PRSS27: variants seen among roughly 807,000 people sequenced by gnomAD.
The protein encoded by PRSS27 is channel-activating protease 2.
In PRSS27, 25 loss-of-function variants were observed where a neutral mutation model predicts 32.0. The observed-to-expected ratio is 0.78, with a 90% CI of 0.57 to 1.09. PRSS27 has a LOEUF of 1.09. PRSS27 is among the 50% of genes least tolerant of loss of function. The pLI is 0.00. For missense variants in PRSS27, 401 were observed against 394.9 expected, an observed-to-expected ratio of 1.02 and a Z score of -0.13; for synonymous variants, 178 against 172.2, an observed-to-expected ratio of 1.03 and a Z score of -0.26.
intron 1 of PRSS27, among the ~76,000 whole-genome samples, chr16:2,719,274 G>A (rs912149393): frequency 6.6e-5 from 10 of 152,176 alleles, no homozygotes; most frequent in Non-Finnish European, 1.2e-4. Context: ...TGGGGGCATG[G>A]GGTGGGGGAG....
At chr16:2,716,873 T>C in intron 1 of PRSS27, 1 of 336,674 alleles carries the variant, frequency 3.0e-6, no homozygotes, top group South Asian at 5.2e-5. Context: ...CCCATCCTTG[T>C]CTGGAAGTTT....
In PRSS27 at chr16:2,715,795, C is replaced by A; in HGVS notation, c.159G>T (p.Gln53His). 1.2e-6 allele frequency: 2 copies of A among 1,603,490 alleles called. No homozygotes were observed. ...EGEWPWQVSI[Q>H]RNGSHFCGGS... ...CCCCGCAGAAGTGGCTTCCGTTGCG[C>A]TGGATGCTGACTTGCCAGGGCCACT... The change falls in exon 3 of 6, where the codon CAG becomes CAT. Residue 53 changes from glutamine (Q) to histidine (H), a missense_variant. Gln to His is a conservative substitution (Grantham distance 24). Coordinates refer to ENST00000302641, the MANE Select transcript of PRSS27 (RefSeq NM_031948.5).
At position 2,714,517 on chromosome 16, in the gene PRSS27, G is replaced by A. The variant is rs1254528960; in HGVS notation, c.237-181C>T. On this transcript the variant is annotated intron_variant, in intron 3 of 5. Transcript: ENST00000302641. This position sits in a 1 kb window ranked among gnomAD's most constrained non-coding sequence, Gnocchi z 4.7. The stretch of plus-strand genomic sequence containing the variant: ...TGCGTGTTGACATTGAAGCCAGACC[G>A]CCCGACTCAGATTTCCACCTCCACC... The A allele has an allele frequency of 1.8e-5, 12 of 678,468 alleles. No homozygotes were observed. The highest frequency in any genetic ancestry group is 2.7e-5 in the East Asian group (1 of 36,532). 42.0% of individuals were successfully genotyped at this position (678,468 alleles called of 1,614,324 possible). A position where few individuals can be genotyped will look rare whatever the true frequency, so the allele number is the denominator to read the frequency against.
rs1007730308 is a variant in PRSS27 at position 2,714,006 on chromosome 16, A to G, written c.508+59T>C. 1 of 1,528,500 alleles carries G rather than the reference A, an allele frequency of 6.5e-7. No homozygotes were observed. The highest frequency in any genetic ancestry group is 8.8e-7 in the Non-Finnish European group (1 of 1,130,622). 94.7% of individuals were successfully genotyped at this position (1,528,500 alleles called of 1,614,324 possible). On this transcript the variant is annotated intron_variant, in intron 4 of 5. Transcript: ENST00000302641. The surrounding 1 kb of genome is among the most constrained non-coding windows in gnomAD (Gnocchi z 4.7). ...GATTGTGGGTTCAGAGTGGTCCCCAAGCCGTCCTGGGCCTTCTTGAGGCAT... is the reference window on the plus strand; with the variant it reads ...GATTGTGGGTTCAGAGTGGTCCCCAGGCCGTCCTGGGCCTTCTTGAGGCAT...
intron 1 of PRSS27, among the ~76,000 whole-genome samples, chr16:2,719,074 C>T (rs575265262): frequency 2.2e-4 from 34 of 152,302 alleles, no homozygotes; most frequent in Middle Eastern, 3.4e-3. Context: ...GTGCCACCCT[C>T]GGGCTGGGAG....
intron 1 of PRSS27, among the ~76,000 whole-genome samples, chr16:2,719,041 C>T (rs73494272): frequency 0.042 from 6,337 of 152,248 alleles, 481 homozygotes; most frequent in African/African-American, 0.14. Context: ...TAGTGGGTAC[C>T]ACCAGCCAGA....
intron 2 of PRSS27, 98 bp from the exon 3 acceptor site, chr16:2,715,978 G>A: frequency 1.8e-6 from 2 of 1,091,972 alleles, no homozygotes; most frequent in Non-Finnish European, 2.6e-6. Context: ...CGGCCCTCCT[G>A]CCCCTGACCT....
rs2067709589 is a variant in PRSS27, at chr16:2,717,523, G to A, written c.47-997C>T. ...CACTCCACGCGTCTGATTCTGTGGGGGCAAGATTCGCCCGTAGCTGGGGAG... is the reference window on the plus strand; with the variant it reads ...CACTCCACGCGTCTGATTCTGTGGGAGCAAGATTCGCCCGTAGCTGGGGAG... On this transcript the variant is annotated intron_variant, in intron 1 of 5. Transcript: ENST00000302641. The surrounding 1 kb of genome is among the most constrained non-coding windows in gnomAD (Gnocchi z 4.1). The A allele has an allele frequency of 6.6e-6, 1 of 152,302 alleles. No homozygotes were observed. Among genetic ancestry groups the A allele is most frequent in the Non-Finnish European group, 1.5e-5 (1 of 68,212 alleles). 9.4% of individuals were successfully genotyped at this position (152,302 alleles called of 1,614,324 possible). A position where few individuals can be genotyped will look rare whatever the true frequency, so the allele number is the denominator to read the frequency against.
Position 2,717,206 on chromosome 16 carries a change from G to A in PRSS27, c.47-680C>T, listed in dbSNP as rs2067707501. On this transcript the variant is annotated intron_variant, in intron 1 of 5. Transcript: ENST00000302641. The surrounding 1 kb of genome is among the most constrained non-coding windows in gnomAD (Gnocchi z 4.1). The stretch of plus-strand genomic sequence containing the variant: ...GGCATGCAGCAGGCTTGGCAGACGA[G>A]GCCCAGGACCCCCTGCTGGGCTGTG... 6.6e-6 allele frequency: 1 copy of A among 152,518 alleles called. No homozygotes were observed. The highest frequency in any genetic ancestry group is 1.5e-5 in the Non-Finnish European group (1 of 68,344). The allele number at this position is 152,518 out of a possible 1,614,324, so 9.4% of individuals were successfully genotyped here.
chr16:2,713,006 G>C (rs887401363), intron 5 of PRSS27, 192 bp from the exon 6 acceptor site: 16 of 565,840 alleles, frequency 2.8e-5, no homozygotes, highest in Non-Finnish European at 4.0e-5. Flanking sequence ...GATCAACTAG[G>C]GTGTGTGTGT....
rs368059071 is a variant in PRSS27 at position 2,712,489 on chromosome 16, G to A, written c.*131C>T. 1 of 703,002 alleles carries A rather than the reference G, an allele frequency of 1.4e-6. No homozygotes were observed. The highest frequency in any genetic ancestry group is 2.3e-6 in the Non-Finnish European group (1 of 434,842). The allele number at this position is 703,002 out of a possible 1,614,324, so 43.5% of individuals were successfully genotyped here. On this transcript the variant is annotated 3_prime_UTR_variant, in exon 6 of 6. Transcript: ENST00000302641. The surrounding 1 kb of genome is among the most constrained non-coding windows in gnomAD (Gnocchi z 4.6). ...ATAAGGGTATTTGAGAGGGGAGGAA[G>A]GAGCGCTATTTACAAATGAGTCTGG... is the stretch of plus-strand genomic sequence containing the variant.
rs1386753190 is a variant in PRSS27, at chr16:2,713,593, G to C, written c.614C>G (p.Pro205Arg). 2 of 1,614,204 alleles carry C rather than the reference G, an allele frequency of 1.2e-6. No homozygotes were observed. The highest frequency in any genetic ancestry group is 1.1e-5 in the South Asian group (1 of 91,088). ...CAGCATGTCATTCTTGATGGTTTTG[G>C]GTTGGTAGCCAAACTCGGTGTCTTT... Reference protein sequence around the residue: ...YSKDTEFGYQPKTIKNDMLCA... With the variant: ...YSKDTEFGYQRKTIKNDMLCA... Residue 205 changes from proline (P) to arginine (R), a missense_variant, in exon 5 of 6, where the codon CCC (proline) becomes CGC (arginine). Physicochemically the swap from Pro to Arg is moderately radical, Grantham distance 103. Coordinates refer to ENST00000302641, the MANE Select transcript of PRSS27 (RefSeq NM_031948.5).
At position 2,714,221 on chromosome 16, in the gene PRSS27, C is replaced by T; in HGVS notation, c.352G>A (p.Gly118Ser). Reference protein sequence around the residue: ...RQVESNPLYQGTASSADVALV... With the variant: ...RQVESNPLYQSTASSADVALV... ...GCCACGTCAGCGCTGGAGGCCGTGC[C>T]CTGGTACAGGGGGTTGCTCTCCACC... The change falls in exon 4 of 6, where the codon GGC (glycine) becomes AGC (serine). Residue 118 changes from glycine to serine, a missense_variant. Transcript: ENST00000302641. This position sits in a 1 kb window ranked among gnomAD's most constrained non-coding sequence, Gnocchi z 4.7. 1 of 1,613,892 alleles carries T rather than the reference C, an allele frequency of 6.2e-7. No homozygotes were observed. The highest frequency in any genetic ancestry group is 1.7e-5 in the Admixed American group (1 of 60,022).
chr16:2,715,672 G>A (rs772427175), intron 3 of PRSS27, 46 bp downstream of exon 3: 3 of 1,498,536 alleles, frequency 2.0e-6, no homozygotes, highest in Non-Finnish European at 2.7e-6. Flanking sequence ...GTCGCGCGCG[G>A]GGCGCTGTCA....
At chr16:2,713,330 C>T (rs908919413) in intron 5 of PRSS27, 199 bp downstream of exon 5, 7 of 624,060 alleles carry the variant, frequency 1.1e-5, no homozygotes, top group Admixed American at 8.9e-5. Flanking sequence ...CATCTCCTGA[C>T]CTTGTGATCC....
At position 2,715,748 on chromosome 16, in the gene PRSS27, C is replaced by A; in HGVS notation, c.206G>T (p.Trp69Leu). The A allele has an allele frequency of 1.3e-6, 2 of 1,573,430 alleles. No individual in the cohort carries two copies. The highest frequency in any genetic ancestry group is 2.3e-5 in the East Asian group (1 of 43,660). ...FCGGSLIAEQ[W>L]VLTAAHCFRN... Reference sequence around the variant, plus strand: ...GAAGCAGTGCGCAGCCGTCAGGACCCACTGCTCCGCGATGAGGCTGCCCCC... The same window carrying A: ...GAAGCAGTGCGCAGCCGTCAGGACCAACTGCTCCGCGATGAGGCTGCCCCC... Residue 69 changes from tryptophan (W) to leucine (L), a missense_variant, in exon 3 of 6, where the codon TGG becomes TTG. By Grantham distance (61) the Trp-to-Leu change is moderately conservative. Coordinates refer to ENST00000302641, the MANE Select transcript of PRSS27 (RefSeq NM_031948.5).
At chr16:2,718,504 G>T (rs1352264091) in intron 1 of PRSS27, 1 of 151,952 alleles carries the variant, frequency 6.6e-6, no homozygotes, top group Admixed American at 6.6e-5. Flanking sequence ...ATTTTTAGTA[G>T]AGAGGGGTTT....
At position 2,716,095 on chromosome 16, in the gene PRSS27, G is replaced by T. The variant is rs949511308; in HGVS notation, c.74-215C>A. 5 of 522,738 alleles carry T rather than the reference G, an allele frequency of 9.6e-6. No individual in the cohort carries two copies. The East Asian group carries it at 1.3e-4, about 13-fold the overall frequency. The allele number at this position is 522,738 out of a possible 1,614,324, so 32.4% of individuals were successfully genotyped here. The stretch of plus-strand genomic sequence containing the variant: ...AAGTCTCACTCTCCTCGCCGAGAAA[G>T]GCAACCTAACACCTGCCTCTTGGGG... On this transcript the variant is annotated intron_variant, in intron 2 of 5. Transcript: ENST00000302641.
chr16:2,714,169 G>A lies in PRSS27; in HGVS notation c.404C>T (p.Pro135Leu), dbSNP rs890608459. ...VALVELEAPV[P>L]FTNYILPVCL... ...CACGGGGAGGATGTAATTGGTGAAGGGCACTGGTGCCTCCAGCTCCACCAG... is the reference window on the plus strand; with the variant it reads ...CACGGGGAGGATGTAATTGGTGAAGAGCACTGGTGCCTCCAGCTCCACCAG... The change falls in exon 4 of 6, where the codon CCC becomes CTC. Residue 135 changes from proline (P) to leucine (L), a missense_variant. By Grantham distance (98) the Pro-to-Leu change is moderately conservative. Coordinates refer to ENST00000302641, the MANE Select transcript of PRSS27 (RefSeq NM_031948.5). This position sits in a 1 kb window ranked among gnomAD's most constrained non-coding sequence, Gnocchi z 4.7. 1.2e-6 allele frequency: 2 copies of A among 1,614,058 alleles called. No individual in the cohort carries two copies. Among genetic ancestry groups the A allele is most frequent in the Non-Finnish European group, 1.7e-6 (2 of 1,180,028 alleles).
Sources: allele counts gnomAD v4.1 joint callset (sites outside exome capture counted in the v4.1 genomes callset), GRCh38; gene constraint gnomAD v4.1.1; non-coding constraint Gnocchi (gnomAD v3.1); transcripts MANE v1.5; gene names NCBI Gene and HGNC (gene_info 2026-07-23, HGNC 2026-07-21).